Variants in MAP2K2 observed in about 807,000 individuals in gnomAD.
MAP2K2 encodes the protein mitogen-activated protein kinase kinase 2, also known as dual specificity mitogen-activated protein kinase kinase 2.
In MAP2K2, 24 loss-of-function variants were observed where a neutral mutation model predicts 43.7. The ratio of observed to expected loss-of-function variants is 0.55; its 90% CI spans 0.40 to 0.77. MAP2K2 has a LOEUF of 0.77. Among genes scored for constraint, MAP2K2 ranks in the 30% least tolerant of loss-of-function variants. The probability of loss-of-function intolerance (pLI) is 0.00; values close to 1 mark genes in which losing one functional copy is unlikely to be tolerated. For synonymous variants in MAP2K2, 244 were observed against 239.7 expected (o/e 1.02, Z -0.17); for missense variants, 470 against 566.8 (o/e 0.83, Z 1.73).
intron 2 of MAP2K2, among the ~76,000 whole-genome samples, chr19:4,111,953 C>CA (rs2041158633): frequency 6.6e-6 from 1 of 150,624 alleles, no homozygotes; most frequent in Admixed American, 6.6e-5. Context: ...GACTTTGTCT[C>CA]AAAAAAACCC....
At chr19:4,103,873 AG>A (rs2041050480) in intron 3 of MAP2K2, among the ~76,000 whole-genome samples, 1 of 152,226 alleles carries the variant, frequency 6.6e-6, no homozygotes, top group African/African-American at 2.4e-5. Context: ...GCCCAGGAGG[AG>A]GTGCCAGGAC....
rs759148204 is a variant in MAP2K2, at chr19:4,099,216, C to T, written c.904G>A (p.Gly302Arg). 6.2e-6 allele frequency: 10 copies of T among 1,602,858 alleles called. No individual in the cohort carries two copies. The highest frequency in any genetic ancestry group is 3.4e-5 in the Admixed American group (2 of 58,630). ...HSISPRPRPP[G>R]RPVSGHGMDS... ...CAGGCCGTACCGCTGACGGGGCGCCCGGGGGGCCTCGGCCGAGGCGAGATG... is the reference window on the plus strand; with the variant it reads ...CAGGCCGTACCGCTGACGGGGCGCCTGGGGGGCCTCGGCCGAGGCGAGATG... Residue 302 changes from glycine to arginine, a missense_variant, in exon 7 of 11, where the codon GGG (glycine) becomes AGG (arginine). Coordinates refer to ENST00000262948, the MANE Select transcript of MAP2K2 (RefSeq NM_030662.4).
At chr19:4,122,703 C>T (rs1226615794) in intron 1 of MAP2K2, among the ~76,000 whole-genome samples, 1 of 150,772 alleles carries the variant, frequency 6.6e-6, no homozygotes, top group Non-Finnish European at 1.5e-5. Flanking sequence ...GGGATCTCCC[C>T]TCACTCCAAT....
Position 4,117,709 on chromosome 19 carries a change from G to A in MAP2K2, c.93-80C>T, listed in dbSNP as rs566166809. The A allele has an allele frequency of 5.4e-4, 671 of 1,245,994 alleles. 1 individual carries two copies. In the Middle Eastern group the frequency reaches 5.4e-3, roughly 10 times the overall value. 77.2% of individuals were successfully genotyped at this position (1,245,994 alleles called of 1,614,324 possible). A position where few individuals can be genotyped will look rare whatever the true frequency, so the allele number is the denominator to read the frequency against. On this transcript the variant is annotated intron_variant, in intron 1 of 10. Transcript: ENST00000262948. ...GTTTGCTATGTGGCCGTGGTGCATC[G>A]GCCCCCAGGAGGACACAGACTGGAT...
chr19:4,105,027 A>G (rs1037014857), intron 3 of MAP2K2, among the ~76,000 whole-genome samples: 1 of 152,168 alleles, frequency 6.6e-6, no homozygotes, highest in Non-Finnish European at 1.5e-5. Context: ...ATCTCCAGCT[A>G]TAAAGACCAA....
Position 4,102,500 on chromosome 19 carries a change from G to A in MAP2K2, c.451-47C>T, listed in dbSNP as rs780624579. The A allele has an allele frequency of 1.1e-5, 15 of 1,404,998 alleles. No individual in the cohort carries two copies. In the African/African-American group the frequency reaches 1.7e-4, roughly 16 times the overall value. The allele number at this position is 1,404,998 out of a possible 1,614,324, so 87.0% of individuals were successfully genotyped here. ...AGTGCAGGCTCTGCGCAGGTGGCCGGGAAGCCACGGATGCGTCCCCCCACT... is the reference window on the plus strand; with the variant it reads ...AGTGCAGGCTCTGCGCAGGTGGCCGAGAAGCCACGGATGCGTCCCCCCACT... On this transcript the variant is annotated intron_variant, in intron 3 of 10. Transcript: ENST00000262948.
At chr19:4,119,208 T>G (rs1325103136) in intron 1 of MAP2K2, among the ~76,000 whole-genome samples, 1 of 152,102 alleles carries the variant, frequency 6.6e-6, no homozygotes, top group Non-Finnish European at 1.5e-5. Flanking sequence ...CTCTTTTTAA[T>G]TAATTAATTT....
intron 2 of MAP2K2, among the ~76,000 whole-genome samples, chr19:4,114,913 G>C (rs977134994): frequency 1.3e-5 from 2 of 152,132 alleles, no homozygotes; most frequent in Admixed American, 6.6e-5. Context: ...CTGGGTGACA[G>C]AGCGAGACTC....
At chr19:4,111,564 T>G (rs2041153831) in intron 2 of MAP2K2, among the ~76,000 whole-genome samples, 1 of 152,000 alleles carries the variant, frequency 6.6e-6, no homozygotes, top group Non-Finnish European at 1.5e-5. Flanking sequence ...GAATTCTCCC[T>G]CTCCTTCAAC....
intron 3 of MAP2K2, chr19:4,103,157 G>A: frequency 1.0e-6 from 1 of 992,458 alleles, no homozygotes; most frequent in South Asian, 4.6e-5. Flanking sequence ...GGTAACCTCG[G>A]CCCCTCCCCA....
At chr19:4,123,554 C>CCCCCTGCCCCGTCCTACCCCGAGGGT (rs2041328241) in intron 1 of MAP2K2, among the ~76,000 whole-genome samples, 1 of 56,848 alleles carries the variant, frequency 1.8e-5, no homozygotes, top group Non-Finnish European at 3.2e-5. Context: ...CCTCCGAGGG[C>CCCCCTGCCCCGTCCTACCCCGAGGGT]CCCCTGCCCC....
At chr19:4,110,214 G>C (rs1166297701) in intron 3 of MAP2K2, among the ~76,000 whole-genome samples, 1 of 152,126 alleles carries the variant, frequency 6.6e-6, no homozygotes, top group African/African-American at 2.4e-5. Context: ...TGAGTCAGAA[G>C]TATCACTTGA....
At chr19:4,107,731 G>A (rs2041103092) in intron 3 of MAP2K2, among the ~76,000 whole-genome samples, 1 of 151,608 alleles carries the variant, frequency 6.6e-6, no homozygotes, top group Admixed American at 6.6e-5. Flanking sequence ...AAAAAAGAAG[G>A]AAAAAAATGC....
At chr19:4,090,826 C>A in intron 10 of MAP2K2, 118 bp from the exon 11 acceptor site, 1 of 735,174 alleles carries the variant, frequency 1.4e-6, no homozygotes, top group East Asian at 2.7e-5. Context: ...ACAGAGGAGA[C>A]CCTCCCTTCC....
intron 3 of MAP2K2, chr19:4,102,967 C>G: frequency 9.1e-7 from 1 of 1,099,456 alleles, no homozygotes. Context: ...GGCGGCGGGT[C>G]GCTGTGTGCC....
Position 4,124,114 on chromosome 19 carries a change from G to A in MAP2K2, c.-239C>T, listed in dbSNP as rs961984468. On this transcript the variant is annotated 5_prime_UTR_variant, in exon 1 of 11. Coordinates refer to ENST00000262948, the MANE Select transcript of MAP2K2 (RefSeq NM_030662.4). ...GAAGAAGGCTGACGCCGCAGCCCGA[G>A]TCCGAGAGGCAGGGGGAGGGGAGGG... 1.9e-5 allele frequency: 4 copies of A among 214,730 alleles called. No homozygotes were observed. Among genetic ancestry groups the A allele is most frequent in the African/African-American group, 9.0e-5 (4 of 44,238 alleles). The allele number at this position is 214,730 out of a possible 1,614,324, so 13.3% of individuals were successfully genotyped here.
At position 4,110,590 on chromosome 19, in the gene MAP2K2, G is replaced by A. The variant is rs748593854; in HGVS notation, c.369C>T (p.His123=). 1.1e-5 allele frequency: 17 copies of A among 1,613,898 alleles called. No homozygotes were observed. The East Asian group carries it at 2.0e-4, about 19-fold the overall frequency. The part of the protein sequence containing the change: ...NQIIRELQVL[H]ECNSPYIVGF... ...CCACGATGTACGGCGAGTTGCATTC[G>A]TGCAGGACCTGCAGCTCGCGGATGA... is the stretch of plus-strand genomic sequence containing the variant. Residue 123 remains histidine, a synonymous_variant, in exon 3 of 11, where the codon CAC becomes CAT. Coordinates refer to ENST00000262948, the MANE Select transcript of MAP2K2 (RefSeq NM_030662.4).
chr19:4,102,305 A>C (rs1432208598), intron 4 of MAP2K2, 71 bp downstream of exon 4: 2 of 1,362,258 alleles, frequency 1.5e-6, no homozygotes, highest in East Asian at 5.0e-5. Context: ...TGGCTCCCGG[A>C]ACCCTGGCCG....
In MAP2K2 at chr19:4,095,320, C is replaced by T. The variant is rs1041606833; in HGVS notation, c.1046+68G>A. The T allele has an allele frequency of 3.2e-5, 46 of 1,449,166 alleles. No homozygotes were observed. The East Asian group carries it at 9.5e-4, about 30-fold the overall frequency. 89.8% of individuals were successfully genotyped at this position (1,449,166 alleles called of 1,614,324 possible). A position where few individuals can be genotyped will look rare whatever the true frequency, so the allele number is the denominator to read the frequency against. On this transcript the variant is annotated intron_variant, in intron 9 of 10. Coordinates refer to ENST00000262948, the MANE Select transcript of MAP2K2 (RefSeq NM_030662.4). ...TGGGCAGGCTGGGCCACGGGCCCCA[C>T]CCAGGACCCGGAAGGAGTGGCACAT...
Sources: allele counts gnomAD v4.1 joint callset (sites outside exome capture counted in the v4.1 genomes callset), GRCh38; gene constraint gnomAD v4.1.1; transcripts MANE v1.5; gene names NCBI Gene and HGNC (gene_info 2026-07-23, HGNC 2026-07-21).